ACTN4: variants seen among roughly 807,000 people sequenced by gnomAD.
ACTN4 encodes the protein actinin alpha 4.
A neutral mutation model predicts 114.2 loss-of-function variants in ACTN4; 18 were observed. The ratio of observed to expected loss-of-function variants is 0.16; its 90% CI spans 0.11 to 0.23. The LOEUF (loss-of-function observed/expected upper bound fraction) is 0.23. ACTN4 is among the 10% of genes least tolerant of loss of function. ACTN4 has a pLI of 1.00. For synonymous variants in ACTN4, 515 were observed against 506.3 expected, an observed-to-expected ratio of 1.02 and a Z score of -0.23; for missense variants, 722 against 1,262.9, an observed-to-expected ratio of 0.57 and a Z score of 6.49.
In ACTN4 at chr19:38,723,602, C is replaced by T. The variant is rs755678544; in HGVS notation, c.1443-12C>T. The stretch of plus-strand genomic sequence containing the variant: ...CCTTGCCGAGTCTCATTGCTCTCTG[C>T]CCGGCCCGCAGCGAGCTGGATTACT... On this transcript the variant is annotated splice_polypyrimidine_tract_variant and intron_variant, in intron 12 of 20. Coordinates refer to ENST00000252699, the MANE Select transcript of ACTN4 (RefSeq NM_004924.6). The T allele has an allele frequency of 5.6e-6, 9 of 1,595,072 alleles. No homozygotes were observed. Among genetic ancestry groups the T allele is most frequent in the Admixed American group, 3.4e-5 (2 of 58,360 alleles).
At chr19:38,653,122 G>C (rs972225758) in intron 1 of ACTN4, among the ~76,000 whole-genome samples, 1 of 151,708 alleles carries the variant, frequency 6.6e-6, no homozygotes, top group Non-Finnish European at 1.5e-5. Context: ...AGAGGGGAGC[G>C]GGGACAAGTT....
intron 1 of ACTN4, among the ~76,000 whole-genome samples, chr19:38,695,879 C>T (rs1329749076): frequency 6.6e-6 from 1 of 152,154 alleles, no homozygotes; most frequent in African/African-American, 2.4e-5. Flanking sequence ...CTTCAGCTCC[C>T]ATCCCAGGGG....
intron 19 of ACTN4, among the ~76,000 whole-genome samples, chr19:38,728,557 G>A (rs1196927773): frequency 6.6e-6 from 1 of 151,844 alleles, no homozygotes; most frequent in African/African-American, 2.4e-5. Flanking sequence ...GCATCTGCCG[G>A]GGTGGGGTCC....
At chr19:38,658,100 A>G (rs1403649617) in intron 1 of ACTN4, among the ~76,000 whole-genome samples, 3 of 152,216 alleles carry the variant, frequency 2.0e-5, no homozygotes, top group Non-Finnish European at 2.9e-5. Context: ...GAAAATACCT[A>G]CAGGCACAGC....
chr19:38,726,882 A>C (rs372576851), intron 17 of ACTN4, 75 bp from the exon 18 acceptor site: 1 of 1,597,792 alleles, frequency 6.3e-7, no homozygotes, highest in Admixed American at 1.7e-5. Context: ...GACAGTTCAC[A>C]GTCCTCCACG....
At chr19:38,671,900 G>A (rs1967140705) in intron 1 of ACTN4, among the ~76,000 whole-genome samples, 1 of 152,182 alleles carries the variant, frequency 6.6e-6, no homozygotes, top group African/African-American at 2.4e-5. Context: ...TCTCAGGCTG[G>A]CCTTGAGTCC....
chr19:38,651,020 A>G (rs1383011613), intron 1 of ACTN4, among the ~76,000 whole-genome samples: 3 of 152,098 alleles, frequency 2.0e-5, no homozygotes, highest in Non-Finnish European at 2.9e-5. Flanking sequence ...GGAGTGAGCC[A>G]CTGCACCCAG....
chr19:38,681,984 C>T (rs191943246), intron 1 of ACTN4, among the ~76,000 whole-genome samples: 3 of 152,238 alleles, frequency 2.0e-5, no homozygotes, highest in Non-Finnish European at 4.4e-5. Context: ...GGGCCTACCA[C>T]CACACCTGGC....
chr19:38,664,107 T>C (rs1241094154), intron 1 of ACTN4, among the ~76,000 whole-genome samples: 1 of 152,184 alleles, frequency 6.6e-6, no homozygotes, highest in Non-Finnish European at 1.5e-5. Context: ...CTGGCGAGGC[T>C]GGGTTGCCAC....
At chr19:38,651,626 CT>C (rs1327882635) in intron 1 of ACTN4, among the ~76,000 whole-genome samples, 3 of 151,004 alleles carry the variant, frequency 2.0e-5, no homozygotes, top group African/African-American at 7.3e-5. Flanking sequence ...TGACCGTTGG[CT>C]TTTTTTTTGG....
chr19:38,729,859 G>A lies in ACTN4; in HGVS notation c.*427G>A, dbSNP rs1969421993. ...TGTCCAGGAACTGCCTGGGCCATGC[G>A]AGGGGCCAGCAGAGGGCGCCACCAC... On this transcript the variant is annotated 3_prime_UTR_variant, in exon 21 of 21. Transcript: ENST00000252699. The A allele has an allele frequency of 1.4e-5, 5 of 366,698 alleles. No homozygotes were observed. Among genetic ancestry groups the A allele is most frequent in the Admixed American group, 7.1e-5 (2 of 28,190 alleles). The allele number at this position is 366,698 out of a possible 1,614,324, so 22.7% of individuals were successfully genotyped here. A position where few individuals can be genotyped will look rare whatever the true frequency, so the allele number is the denominator to read the frequency against.
At chr19:38,721,180 G>A (rs73933051) in intron 11 of ACTN4, among the ~76,000 whole-genome samples, 1,734 of 152,222 alleles carry the variant, frequency 0.011, 29 homozygotes, top group African/African-American at 0.04. Context: ...GTGCTTCTCC[G>A]GATCAAAGCC....
At chr19:38,720,728 A>G (rs576965072) in intron 11 of ACTN4, among the ~76,000 whole-genome samples, 1 of 152,362 alleles carries the variant, frequency 6.6e-6, no homozygotes, top group South Asian at 2.1e-4. Flanking sequence ...AGGCCCAGAG[A>G]GGCCTCGGTG....
chr19:38,701,476 G>A (rs117885633), intron 3 of ACTN4, among the ~76,000 whole-genome samples: 1,610 of 152,288 alleles, frequency 0.011, 15 homozygotes, highest in Non-Finnish European at 0.018. Context: ...ACAAACATGT[G>A]CCATGGCCTC....
intron 1 of ACTN4, among the ~76,000 whole-genome samples, chr19:38,654,739 C>T (rs963232281): frequency 6.6e-6 from 1 of 151,962 alleles, no homozygotes; most frequent in Non-Finnish European, 1.5e-5. Flanking sequence ...TGTTTTTTCA[C>T]GTCCCTCCCC....
chr19:38,700,842 G>A, intron 2 of ACTN4, 128 bp downstream of exon 2: 2 of 1,365,494 alleles, frequency 1.5e-6, no homozygotes, highest in Non-Finnish European at 1.0e-6. Context: ...CTTAATAGCT[G>A]CACGGTGGTC....
chr19:38,687,225 GCC>G (rs35837513), intron 1 of ACTN4, among the ~76,000 whole-genome samples: 3,147 of 151,954 alleles, frequency 0.021, 109 homozygotes, highest in African/African-American at 0.073. Context: ...ACCTGCCTCA[GCC>G]CCCCCAAAGT....
At position 38,701,129 on chromosome 19, in the gene ACTN4, G is replaced by A; in HGVS notation, c.397+8G>A. ...TCTCCATCGGGGCAGAAGGTGAGCT[G>A]GAGGTGGGGCAGCGAGGGTCCTGCT... On this transcript the variant is annotated splice_region_variant and intron_variant, in intron 3 of 20. Coordinates refer to ENST00000252699, the MANE Select transcript of ACTN4 (RefSeq NM_004924.6). The A allele has an allele frequency of 6.2e-7, 1 of 1,613,888 alleles. No homozygotes were observed. The highest frequency in any genetic ancestry group is 8.5e-7 in the Non-Finnish European group (1 of 1,180,036).
At chr19:38,725,315 A>G (rs1439466487) in intron 16 of ACTN4, among the ~76,000 whole-genome samples, 1 of 152,132 alleles carries the variant, frequency 6.6e-6, no homozygotes, top group Non-Finnish European at 1.5e-5. Flanking sequence ...GTGCCGAGAC[A>G]TGGAGTGCCC....
Sources: gnomAD v4.1 joint callset for allele counts (sites outside exome capture counted in the v4.1 genomes callset) on GRCh38, gnomAD v4.1.1 for gene constraint, MANE v1.5 for transcripts, NCBI Gene and HGNC (gene_info 2026-07-23, HGNC 2026-07-21) for gene names.